Variants in WDFY4 observed in about 807,000 individuals in gnomAD.
WDFY4 encodes WD repeat- and FYVE domain-containing protein 4.
WDFY4 carries 169 observed loss-of-function variants against 351.9 expected under a neutral mutation model. The ratio of observed to expected loss-of-function variants is 0.48; its 90% CI spans 0.42 to 0.55. The LOEUF (loss-of-function observed/expected upper bound fraction) is 0.55. Ranked by LOEUF, WDFY4 falls within the 20% of genes least tolerant of loss-of-function variation. The pLI is 0.00. For missense variants in WDFY4, 3,803 were observed against 3,935.6 expected (o/e 0.97, Z 0.90); for synonymous variants, 1,622 against 1,574.6 (o/e 1.03, Z -0.71).
rs1230408202 is a variant in WDFY4, at chr10:48,830,861, C to T, written c.6502C>T (p.Leu2168Phe). ...EVTPLWEETMLKAWQHYLASE... is the reference protein window; with the variant it reads ...EVTPLWEETMFKAWQHYLASE... The stretch of plus-strand genomic sequence containing the variant: ...CACACCGCTCTGGGAGGAGACGATG[C>T]TCAAGGCCTGGCAGCATTACTTAGG... Residue 2168 changes from leucine to phenylalanine, a missense_variant, in exon 38 of 62, where the codon CTC becomes TTC. Coordinates refer to ENST00000325239, the MANE Select transcript of WDFY4 (RefSeq NM_001394531.1). The T allele has an allele frequency of 6.4e-7, 1 of 1,551,590 alleles. No individual in the cohort carries two copies. The highest frequency in any genetic ancestry group is 8.7e-7 in the Non-Finnish European group (1 of 1,146,926).
intron 12 of WDFY4, 92 bp from the exon 13 acceptor site, chr10:48,760,255 C>T (rs1460167628): frequency 1.7e-6 from 2 of 1,148,172 alleles, no homozygotes; most frequent in African/African-American, 3.1e-5. Context: ...GTACCATGAT[C>T]TGTCTTAGAA....
In WDFY4 at chr10:48,830,929, C is replaced by T. The variant is rs140744763; in HGVS notation, c.6526+44C>T. The T allele has an allele frequency of 6.4e-4, 973 of 1,526,734 alleles. 6 individuals carry two copies. In the African/African-American group the frequency reaches 0.011, roughly 18 times the overall value. The allele number at this position is 1,526,734 out of a possible 1,614,324, so 94.6% of individuals were successfully genotyped here. On this transcript the variant is annotated intron_variant, in intron 38 of 61. Coordinates refer to ENST00000325239, the MANE Select transcript of WDFY4 (RefSeq NM_001394531.1). Reference sequence around the variant, plus strand: ...CCAGGGAATGGGAACTCCTGGGTCTCACAGAGCCAGACTCCCGCAAGGTTC... The same window carrying T: ...CCAGGGAATGGGAACTCCTGGGTCTTACAGAGCCAGACTCCCGCAAGGTTC...
chr10:48,966,434 C>T, intron 54 of WDFY4, 92 bp from the exon 55 acceptor site: 1 of 1,396,820 alleles, frequency 7.2e-7, no homozygotes, highest in South Asian at 1.5e-5. Flanking sequence ...TGTGGCAACC[C>T]CCAGAGACAG....
intron 35 of WDFY4, among the ~76,000 whole-genome samples, chr10:48,824,494 A>G (rs987930359): frequency 2.6e-5 from 4 of 152,140 alleles, no homozygotes; most frequent in African/African-American, 9.7e-5. Flanking sequence ...CACCAAATCT[A>G]TTTTCTGTAA....
At chr10:48,691,930 A>G (rs1305290375) in intron 1 of WDFY4, among the ~76,000 whole-genome samples, 3 of 152,186 alleles carry the variant, frequency 2.0e-5, no homozygotes, top group Non-Finnish European at 4.4e-5. Flanking sequence ...CAGATGCTAT[A>G]ACAGAGGCAG....
At chr10:48,861,641 T>C (rs558021628) in intron 39 of WDFY4, among the ~76,000 whole-genome samples, 1 of 152,322 alleles carries the variant, frequency 6.6e-6, no homozygotes, top group African/African-American at 2.4e-5. Flanking sequence ...GTGTTAGTTT[T>C]CAGAAGTCTG....
At chr10:48,886,837 C>G (rs1012537421) in intron 43 of WDFY4, among the ~76,000 whole-genome samples, 1 of 152,166 alleles carries the variant, frequency 6.6e-6, no homozygotes, top group South Asian at 2.1e-4. Flanking sequence ...ATCAAGAGTG[C>G]TAATATATCA....
At chr10:48,704,446 A>G (rs2063568000) in intron 1 of WDFY4, among the ~76,000 whole-genome samples, 1 of 151,994 alleles carries the variant, frequency 6.6e-6, no homozygotes, top group South Asian at 2.1e-4. Context: ...GGCAGGGAGG[A>G]GTGGTCTTGT....
chr10:48,923,916 A>C (rs1420116293), intron 47 of WDFY4, among the ~76,000 whole-genome samples: 1 of 152,226 alleles, frequency 6.6e-6, no homozygotes, highest in East Asian at 1.9e-4. Context: ...TGGGACATCC[A>C]GCCAGTTGGG....
intron 47 of WDFY4, among the ~76,000 whole-genome samples, chr10:48,927,091 C>A (rs192736867): frequency 7.2e-5 from 11 of 152,146 alleles, no homozygotes; most frequent in African/African-American, 2.7e-4. Flanking sequence ...GTATCAGGGG[C>A]GGCTGTATGC....
chr10:48,963,167 A>G (rs1256641046), intron 53 of WDFY4, among the ~76,000 whole-genome samples: 2 of 152,240 alleles, frequency 1.3e-5, no homozygotes, highest in Non-Finnish European at 2.9e-5. Flanking sequence ...ACCTGCCACC[A>G]AAAGGCGGTG....
chr10:48,932,922 G>A (rs1840109716), intron 47 of WDFY4, among the ~76,000 whole-genome samples: 1 of 152,170 alleles, frequency 6.6e-6, no homozygotes, highest in Non-Finnish European at 1.5e-5. Context: ...GGAGGTCAAG[G>A]AGGGGAGGGC....
At chr10:48,753,366 T>C (rs1043695750) in intron 12 of WDFY4, among the ~76,000 whole-genome samples, 11 of 152,180 alleles carry the variant, frequency 7.2e-5, no homozygotes, top group African/African-American at 2.7e-4. Context: ...AAATTTTCAG[T>C]TTTGATGAAG....
At chr10:48,851,069 G>T (rs2068941546) in intron 39 of WDFY4, among the ~76,000 whole-genome samples, 1 of 152,158 alleles carries the variant, frequency 6.6e-6, no homozygotes, top group South Asian at 2.1e-4. Flanking sequence ...GGTCCTTTTT[G>T]ATACCAGGGC....
chr10:48,978,401 A>T lies in WDFY4; in HGVS notation c.9376+8A>T. ...AGCCTCCAAGCCCAAGAGGTACCTG[A>T]CCTGCTAGGGATGTGGCCGTCCTGG... On this transcript the variant is annotated splice_region_variant and intron_variant, in intron 60 of 61. Coordinates refer to ENST00000325239, the MANE Select transcript of WDFY4 (RefSeq NM_001394531.1). 2 of 1,548,896 alleles carry T rather than the reference A, an allele frequency of 1.3e-6. No homozygotes were observed. Among genetic ancestry groups the T allele is most frequent in the Non-Finnish European group, 1.7e-6 (2 of 1,145,830 alleles).
At chr10:48,880,905 T>C (rs957835151) in intron 43 of WDFY4, among the ~76,000 whole-genome samples, 7 of 147,070 alleles carry the variant, frequency 4.8e-5, no homozygotes, top group African/African-American at 1.8e-4. Flanking sequence ...GCAGGGTCCC[T>C]GGTGAGGGGA....
In WDFY4 at chr10:48,721,378, G is replaced by C; in HGVS notation, c.456+11G>C. 2 of 1,551,436 alleles carry C rather than the reference G, an allele frequency of 1.3e-6. No individual in the cohort carries two copies. Among genetic ancestry groups the C allele is most frequent in the South Asian group, 1.2e-5 (1 of 84,046 alleles). ...ACGGGGACAGACTCGGTAAGTTTCA[G>C]ACCATCAGCCTCTGCCCTGGGCACT... On this transcript the variant is annotated intron_variant, in intron 4 of 61. Coordinates refer to ENST00000325239, the MANE Select transcript of WDFY4 (RefSeq NM_001394531.1).
At chr10:48,828,197 A>T (rs962392337) in intron 36 of WDFY4, among the ~76,000 whole-genome samples, 1 of 152,222 alleles carries the variant, frequency 6.6e-6, no homozygotes, top group Non-Finnish European at 1.5e-5. Flanking sequence ...CACATGGTTC[A>T]TGGGAAACCT....
chr10:48,842,917 TG>T (rs1176556494), intron 39 of WDFY4, among the ~76,000 whole-genome samples: 3 of 152,200 alleles, frequency 2.0e-5, no homozygotes, highest in African/African-American at 7.2e-5. Context: ...GCCATCTCTT[TG>T]ACTGTTCTTT....
Sources: gnomAD v4.1 joint callset for allele counts (sites outside exome capture counted in the v4.1 genomes callset) on GRCh38, gnomAD v4.1.1 for gene constraint, MANE v1.5 for transcripts, NCBI Gene and HGNC (gene_info 2026-07-23, HGNC 2026-07-21) for gene names.